Variants in MARCHF3 observed in about 807,000 individuals in gnomAD.
MARCHF3 encodes E3 ubiquitin-protein ligase MARCHF3.
MARCHF3 carries 13 observed loss-of-function variants against 24.2 expected under a neutral mutation model. The ratio of observed to expected loss-of-function variants is 0.54; its 90% CI spans 0.35 to 0.85. The LOEUF (loss-of-function observed/expected upper bound fraction) is 0.85, where lower values mean the gene tolerates loss of function less well. Among genes scored for constraint, MARCHF3 ranks in the 40% least tolerant of loss-of-function variants. The probability of loss-of-function intolerance (pLI) is 0.01; values close to 1 mark genes in which losing one functional copy is unlikely to be tolerated. For synonymous variants in MARCHF3, 144 were observed against 137.3 expected, an observed-to-expected ratio of 1.05 and a Z score of -0.34; for missense variants, 276 against 325.0, an observed-to-expected ratio of 0.85 and a Z score of 1.16.
At chr5:126,942,512 A>G (rs1386157299) in intron 1 of MARCHF3, among the ~76,000 whole-genome samples, 1 of 152,230 alleles carries the variant, frequency 6.6e-6, no homozygotes, top group Non-Finnish European at 1.5e-5. Flanking sequence ...GCCCTACAGG[A>G]GTTGACCATC....
intron 1 of MARCHF3, among the ~76,000 whole-genome samples, chr5:126,922,110 T>G (rs1580646134): frequency 6.6e-6 from 1 of 152,204 alleles, no homozygotes; most frequent in East Asian, 1.9e-4. Context: ...ATAACGAGGA[T>G]GCGGCCACAG....
At chr5:126,879,398 T>G (rs1195079033) in intron 3 of MARCHF3, among the ~76,000 whole-genome samples, 2 of 152,166 alleles carry the variant, frequency 1.3e-5, no homozygotes, top group Non-Finnish European at 2.9e-5. Flanking sequence ...CCTGACCCCA[T>G]GAACTCATTA....
intron 1 of MARCHF3, among the ~76,000 whole-genome samples, chr5:126,928,550 T>C (rs1749371755): frequency 1.3e-5 from 2 of 152,230 alleles, no homozygotes. Flanking sequence ...ATCTTGCTTC[T>C]AGGCCATGGA....
At chr5:126,882,572 A>G (rs538117978) in intron 3 of MARCHF3, among the ~76,000 whole-genome samples, 78 of 152,248 alleles carry the variant, frequency 5.1e-4, no homozygotes, top group African/African-American at 1.9e-3. Context: ...ATATACATTG[A>G]CTATTATACC....
intron 1 of MARCHF3, among the ~76,000 whole-genome samples, chr5:127,007,346 TA>T (rs34412363): frequency 1.8e-3 from 251 of 136,800 alleles, no homozygotes; most frequent in Non-Finnish European, 1.8e-3. Context: ...TGCATACAAG[TA>T]AAAAAAAAAA....
At chr5:126,972,818 CA>C (rs1346557306) in intron 1 of MARCHF3, among the ~76,000 whole-genome samples, 2 of 151,974 alleles carry the variant, frequency 1.3e-5, no homozygotes, top group East Asian at 1.9e-4. Context: ...AAAAAAACAC[CA>C]AAAAAACCCT....
intron 1 of MARCHF3, among the ~76,000 whole-genome samples, chr5:127,011,494 A>G (rs1176580666): frequency 6.6e-6 from 1 of 152,202 alleles, no homozygotes; most frequent in Non-Finnish European, 1.5e-5. Context: ...GCAGCAGAGC[A>G]CTGCTTTTTT....
intron 1 of MARCHF3, among the ~76,000 whole-genome samples, chr5:126,956,393 C>T (rs1229653521): frequency 6.6e-6 from 1 of 152,064 alleles, no homozygotes; most frequent in African/African-American, 2.4e-5. Flanking sequence ...AATCTCAGCA[C>T]TTTGGGAGGC....
At chr5:127,022,905 T>C (rs906190624) in intron 1 of MARCHF3, among the ~76,000 whole-genome samples, 2 of 152,126 alleles carry the variant, frequency 1.3e-5, no homozygotes, top group Non-Finnish European at 2.9e-5. Context: ...AGACAGAAAA[T>C]AGGGGACCTT....
chr5:126,934,753 G>A (rs1366796137), intron 1 of MARCHF3, among the ~76,000 whole-genome samples: 10 of 152,122 alleles, frequency 6.6e-5, no homozygotes, highest in African/African-American at 1.9e-4. Flanking sequence ...ATGACGAAAC[G>A]AGTGGATACA....
At chr5:126,931,194 G>A (rs1196024807) in intron 1 of MARCHF3, among the ~76,000 whole-genome samples, 1 of 152,182 alleles carries the variant, frequency 6.6e-6, no homozygotes, top group Non-Finnish European at 1.5e-5. Context: ...GGAAATGCAT[G>A]CCAAGGAGGC....
intron 3 of MARCHF3, among the ~76,000 whole-genome samples, chr5:126,898,711 C>T (rs1025261140): frequency 3.9e-5 from 6 of 152,044 alleles, no homozygotes; most frequent in African/African-American, 1.5e-4. Context: ...TTCTATTTTA[C>T]AACTTTTCTG....
In MARCHF3 at chr5:126,913,646, T is replaced by C. The variant is rs60409361; in HGVS notation, c.393+1284A>G. ...TGTATTGGGGCAAGTCAAGTAAGTT[T>C]TGTGCCATTTGGCAAGTAAGTCATA... On this transcript the variant is annotated intron_variant, in intron 3 of 4. Transcript: ENST00000308660. Among the ~76,000 whole-genome samples the C allele has an allele frequency of 8.4e-3, 1,276 of 152,334 alleles. 19 individuals are homozygous for C. Among genetic ancestry groups the C allele is most frequent in the East Asian group, 0.025 (131 of 5,184 alleles).
intron 1 of MARCHF3, among the ~76,000 whole-genome samples, chr5:126,966,549 G>T (rs1261648545): frequency 6.6e-6 from 1 of 151,974 alleles, no homozygotes; most frequent in East Asian, 1.9e-4. Context: ...AAAATTAGAA[G>T]ACTTTAAAAT....
chr5:127,020,214 A>G (rs1268993245), intron 1 of MARCHF3, among the ~76,000 whole-genome samples: 2 of 152,208 alleles, frequency 1.3e-5, no homozygotes, highest in Non-Finnish European at 2.9e-5. Context: ...AAAGCAGCCA[A>G]CTCAGCTCTT....
chr5:126,877,574 A>T (rs1753198880), intron 4 of MARCHF3, among the ~76,000 whole-genome samples: 1 of 152,242 alleles, frequency 6.6e-6, no homozygotes, highest in South Asian at 2.1e-4. Flanking sequence ...CCTCACACAC[A>T]GCGAGAACAC....
At chr5:126,878,792 G>A (rs993093446) in intron 3 of MARCHF3, among the ~76,000 whole-genome samples, 2 of 152,166 alleles carry the variant, frequency 1.3e-5, no homozygotes, top group African/African-American at 2.4e-5. Context: ...TGCTGGAAAC[G>A]GTTGAGTTGC....
intron 1 of MARCHF3, among the ~76,000 whole-genome samples, chr5:126,949,169 T>C (rs568454957): frequency 6.6e-6 from 1 of 152,192 alleles, no homozygotes; most frequent in Non-Finnish European, 1.5e-5. Flanking sequence ...AAATGCCAAC[T>C]CCTACATGAA....
At chr5:126,965,930 C>T (rs1345285939) in intron 1 of MARCHF3, among the ~76,000 whole-genome samples, 1 of 152,148 alleles carries the variant, frequency 6.6e-6, no homozygotes, top group Non-Finnish European at 1.5e-5. Flanking sequence ...CATTTTTATT[C>T]ATGCAAACAG....
Sources: gnomAD v4.1 joint callset for allele counts (sites outside exome capture counted in the v4.1 genomes callset) on GRCh38, gnomAD v4.1.1 for gene constraint, MANE v1.5 for transcripts, NCBI Gene and HGNC (gene_info 2026-07-23, HGNC 2026-07-21) for gene names.